The following TCF7L1 variants were observed in gnomAD, a reference collection of about 807,000 sequenced individuals.
TCF7L1 encodes transcription factor 7-like 1.
TCF7L1 carries 18 observed loss-of-function variants against 63.7 expected under a neutral mutation model. The observed-to-expected ratio is 0.28, with a 90% CI of 0.20 to 0.42. TCF7L1 has a LOEUF of 0.42. Among genes scored for constraint, TCF7L1 ranks in the 10% least tolerant of loss-of-function variants. The pLI, the probability that TCF7L1 is intolerant of heterozygous loss-of-function variation, is 1.00. For synonymous variants in TCF7L1, 355 were observed against 340.9 expected, an observed-to-expected ratio of 1.04 and a Z score of -0.46; for missense variants, 654 against 779.3, an observed-to-expected ratio of 0.84 and a Z score of 1.91.
chr2:85,172,174 G>A (rs1325669190), intron 3 of TCF7L1, among the ~76,000 whole-genome samples: 1 of 152,110 alleles, frequency 6.6e-6, no homozygotes, highest in Non-Finnish European at 1.5e-5. Flanking sequence ...ACTCAGCCAC[G>A]TCCAGCTTGG....
chr2:85,276,139 C>T (rs932364355), intron 3 of TCF7L1, among the ~76,000 whole-genome samples: 2 of 152,162 alleles, frequency 1.3e-5, no homozygotes, highest in African/African-American at 2.4e-5. Context: ...TTTACACTTT[C>T]GTTTTCTCTT....
At chr2:85,304,427 G>A in intron 7 of TCF7L1, 89 bp downstream of exon 7, 5 of 1,379,978 alleles carry the variant, frequency 3.6e-6, no homozygotes, top group South Asian at 1.3e-5. Flanking sequence ...GCCAGTTAAT[G>A]AGCAGGCACA....
chr2:85,182,590 C>T (rs1678829797), intron 3 of TCF7L1, among the ~76,000 whole-genome samples: 1 of 152,190 alleles, frequency 6.6e-6, no homozygotes, highest in South Asian at 2.1e-4. Context: ...GCTTTTGATG[C>T]TAGAAAACCC....
chr2:85,205,436 A>G (rs1199643593), intron 3 of TCF7L1, among the ~76,000 whole-genome samples: 1 of 152,028 alleles, frequency 6.6e-6, no homozygotes, highest in African/African-American at 2.4e-5. Context: ...TCTTGAAATG[A>G]TGGACTCATG....
At chr2:85,171,639 A>C (rs143489627) in intron 3 of TCF7L1, among the ~76,000 whole-genome samples, 1 of 152,240 alleles carries the variant, frequency 6.6e-6, no homozygotes, top group Non-Finnish European at 1.5e-5. Context: ...TTTATAAGTC[A>C]GAAATAGTTG....
intron 3 of TCF7L1, among the ~76,000 whole-genome samples, chr2:85,236,573 C>T (rs72840188): frequency 2.9e-4 from 44 of 152,186 alleles, no homozygotes; most frequent in Non-Finnish European, 5.4e-4. Flanking sequence ...CTGGGCTTGT[C>T]AGATTTCTGG....
At chr2:85,175,091 G>A (rs780505312) in intron 3 of TCF7L1, among the ~76,000 whole-genome samples, 5 of 152,190 alleles carry the variant, frequency 3.3e-5, no homozygotes, top group African/African-American at 4.8e-5. Context: ...CCCGCCCGGC[G>A]CAGCTCACAG....
intron 4 of TCF7L1, among the ~76,000 whole-genome samples, chr2:85,289,547 G>A (rs771897816): frequency 6.6e-6 from 1 of 152,204 alleles, no homozygotes; most frequent in Non-Finnish European, 1.5e-5. Context: ...AGAGGAAGGT[G>A]TAGAGAAAAA....
In TCF7L1 at chr2:85,134,763, G is replaced by A. The variant is rs1406411400; in HGVS notation, c.441+313G>A. Among the ~76,000 whole-genome samples, 4 of 152,328 alleles carry A rather than the reference G, an allele frequency of 2.6e-5. No homozygotes were observed. Among genetic ancestry groups the A allele is most frequent in the Admixed American group, 6.5e-5 (1 of 15,300 alleles). Reference sequence around the variant, plus strand: ...TTGGATTTGTGCCCGCTTTGGGGGGGTCTCGCTTTCCTTCTTGGAAATCGG... The same window carrying A: ...TTGGATTTGTGCCCGCTTTGGGGGGATCTCGCTTTCCTTCTTGGAAATCGG... On this transcript the variant is annotated intron_variant, in intron 3 of 11. Coordinates refer to ENST00000282111, the MANE Select transcript of TCF7L1 (RefSeq NM_031283.3). This position sits in a 1 kb window ranked among gnomAD's most constrained non-coding sequence, Gnocchi z 5.0.
chr2:85,206,575 A>G (rs772813509), intron 3 of TCF7L1, among the ~76,000 whole-genome samples: 2 of 152,196 alleles, frequency 1.3e-5, no homozygotes, highest in Non-Finnish European at 2.9e-5. Context: ...CACAGCTAGC[A>G]TGTGGCCGAC....
chr2:85,140,896 C>T (rs139733130), intron 3 of TCF7L1, among the ~76,000 whole-genome samples: 213 of 99,602 alleles, frequency 2.1e-3, no homozygotes, highest in African/African-American at 6.2e-3. Context: ...GCAATAAGAG[C>T]GAAAGAGAGA....
rs146387143 is a variant in TCF7L1 at position 85,224,039 on chromosome 2, T to C, written c.442-59456T>C. 2.7e-3 allele frequency among the ~76,000 whole-genome samples: 415 copies of C among 152,360 alleles called. 1 individual carries two copies. The highest frequency in any genetic ancestry group is 9.6e-3 in the African/African-American group (399 of 41,576). On this transcript the variant is annotated intron_variant, in intron 3 of 11. Coordinates refer to ENST00000282111, the MANE Select transcript of TCF7L1 (RefSeq NM_031283.3). ...ACCTATGAGTGAGGACATGCAGTGTTTGGTTTCCTGTCCTTGTGATAGTTT... is the reference window on the plus strand; with the variant it reads ...ACCTATGAGTGAGGACATGCAGTGTCTGGTTTCCTGTCCTTGTGATAGTTT...
At chr2:85,194,278 AG>A (rs1679102556) in intron 3 of TCF7L1, among the ~76,000 whole-genome samples, 1 of 152,200 alleles carries the variant, frequency 6.6e-6, no homozygotes, top group Non-Finnish European at 1.5e-5. Flanking sequence ...CTGTAATCCC[AG>A]CACTTTGGGG....
chr2:85,142,793 G>A (rs934640310), intron 3 of TCF7L1, among the ~76,000 whole-genome samples: 3 of 152,198 alleles, frequency 2.0e-5, no homozygotes, highest in Non-Finnish European at 4.4e-5. Context: ...CTTGCCCTTT[G>A]CTCTGTGCTG....
intron 3 of TCF7L1, among the ~76,000 whole-genome samples, chr2:85,140,474 T>G (rs1203984223): frequency 1.2e-5 from 1 of 85,082 alleles, no homozygotes; most frequent in Non-Finnish European, 2.3e-5. Flanking sequence ...CCCTCCCCCT[T>G]TCTTTTCCTC....
chr2:85,282,454 A>G lies in TCF7L1; in HGVS notation c.442-1041A>G, dbSNP rs372654368. ...AACATGTGTGCTTTTGCTCCTGGCA[A>G]AGACTAATGGTTTGCTTATGGAAAT... is the stretch of plus-strand genomic sequence containing the variant. On this transcript the variant is annotated intron_variant, in intron 3 of 11. Coordinates refer to ENST00000282111, the MANE Select transcript of TCF7L1 (RefSeq NM_031283.3). 1.8e-4 allele frequency among the ~76,000 whole-genome samples: 27 copies of G among 152,364 alleles called. No homozygotes were observed. The East Asian group carries it at 2.5e-3, about 14-fold the overall frequency.
At chr2:85,185,502 G>C (rs905295932) in intron 3 of TCF7L1, among the ~76,000 whole-genome samples, 2 of 152,136 alleles carry the variant, frequency 1.3e-5, no homozygotes, top group Admixed American at 6.5e-5. Context: ...CACACAGGTA[G>C]AGCCAGTCTC....
intron 3 of TCF7L1, among the ~76,000 whole-genome samples, chr2:85,208,092 G>A (rs1357522351): frequency 6.6e-6 from 1 of 152,094 alleles, no homozygotes; most frequent in Non-Finnish European, 1.5e-5. Context: ...GTTTTTAGTA[G>A]AGACAGGGTT....
At chr2:85,236,514 G>C (rs999309456) in intron 3 of TCF7L1, among the ~76,000 whole-genome samples, 8 of 152,156 alleles carry the variant, frequency 5.3e-5, no homozygotes, top group Non-Finnish European at 8.8e-5. Flanking sequence ...TGTCCCTGGA[G>C]CCCCAGAATG....
Sources: allele counts gnomAD v4.1 joint callset (sites outside exome capture counted in the v4.1 genomes callset), GRCh38; gene constraint gnomAD v4.1.1; non-coding constraint Gnocchi (gnomAD v3.1); transcripts MANE v1.5; gene names NCBI Gene and HGNC (gene_info 2026-07-23, HGNC 2026-07-21).